INO80: variants seen among roughly 807,000 people sequenced by gnomAD.
INO80 encodes chromatin-remodeling ATPase INO80.
INO80 carries 20 observed loss-of-function variants against 203.4 expected under a neutral mutation model. The observed-to-expected ratio is 0.10, with a 90% CI of 0.07 to 0.14. The LOEUF (loss-of-function observed/expected upper bound fraction) is 0.14. Ranked by LOEUF, INO80 falls within the 10% of genes least tolerant of loss-of-function variation. The probability of loss-of-function intolerance (pLI) is 1.00; values close to 1 mark genes in which losing one functional copy is unlikely to be tolerated. For missense variants in INO80, 1,419 were observed against 1,914.4 expected (o/e 0.74, Z 4.83); for synonymous variants, 726 against 685.2 (o/e 1.06, Z -0.93).
At chr15:41,100,899 G>A (rs1041651121) in intron 1 of INO80, among the ~76,000 whole-genome samples, 7 of 148,694 alleles carry the variant, frequency 4.7e-5, no homozygotes, top group African/African-American at 1.5e-4. Context: ...GGTGATCTCC[G>A]CTCACTACAA....
At chr15:41,011,493 C>T (rs1413831844) in intron 27 of INO80, 1 of 152,040 alleles carries the variant, frequency 6.6e-6, no homozygotes, top group Non-Finnish European at 1.5e-5. Flanking sequence ...AAAGCTTATA[C>T]ACAGCATGGT....
At chr15:41,081,556 C>A (rs1250657428) in intron 7 of INO80, among the ~76,000 whole-genome samples, 4 of 152,114 alleles carry the variant, frequency 2.6e-5, no homozygotes, top group Admixed American at 2.6e-4. Context: ...TTTCTGCCAC[C>A]ACATAAGCCT....
At chr15:41,044,779 C>A in intron 24 of INO80, 125 bp downstream of exon 24, 1 of 721,860 alleles carries the variant, frequency 1.4e-6, no homozygotes. Context: ...TATGCTGCAC[C>A]GCCCACTCCT....
At position 40,983,645 on chromosome 15, in the gene INO80, A is replaced by G. The variant is rs551252019; in HGVS notation, c.4237+117T>C. The stretch of plus-strand genomic sequence containing the variant: ...ACCTCGTTTTCTCATTTCACTTGAC[A>G]AAGCTATTGAAAGAATAAAAATACC... On this transcript the variant is annotated intron_variant, in intron 34 of 35. Transcript: ENST00000648947. The G allele has an allele frequency of 3.5e-3, 2,976 of 856,006 alleles. 13 individuals are homozygous for G. Among genetic ancestry groups the G allele is most frequent in the South Asian group, 0.011 (523 of 46,414 alleles). 53.0% of individuals were successfully genotyped at this position (856,006 alleles called of 1,614,324 possible). A position where few individuals can be genotyped will look rare whatever the true frequency, so the allele number is the denominator to read the frequency against.
chr15:41,040,105 A>T (rs923376065), intron 24 of INO80, among the ~76,000 whole-genome samples: 2 of 152,172 alleles, frequency 1.3e-5, no homozygotes, highest in African/African-American at 4.8e-5. Flanking sequence ...GCACTTTGGG[A>T]GACCAAGGTG....
intron 9 of INO80, among the ~76,000 whole-genome samples, chr15:41,076,623 T>C (rs1241183576): frequency 6.6e-6 from 1 of 151,988 alleles, no homozygotes; most frequent in African/African-American, 2.4e-5. Context: ...GTACCTGCAG[T>C]CCCAGCTACA....
At chr15:41,009,228 GTTC>G (rs1248098450) in intron 27 of INO80, among the ~76,000 whole-genome samples, 1 of 46,146 alleles carries the variant, frequency 2.2e-5, no homozygotes, top group Admixed American at 4.0e-4. Flanking sequence ...TCCTTATACT[GTTC>G]TTTTTTTTTT....
intron 14 of INO80, 23 bp downstream of exon 14, chr15:41,069,547 G>T: frequency 4.5e-6 from 6 of 1,325,656 alleles, no homozygotes; most frequent in Non-Finnish European, 6.4e-6. Context: ...AGCAATAGAT[G>T]TTTTGGTTGG....
Position 40,979,969 on chromosome 15 carries a change from A to G in INO80, c.*254T>C, listed in dbSNP as rs551491681. On this transcript the variant is annotated 3_prime_UTR_variant, in exon 36 of 36. Coordinates refer to ENST00000648947, the MANE Select transcript of INO80 (RefSeq NM_017553.3). The stretch of plus-strand genomic sequence containing the variant: ...CCCGTGAGAGGTTTAAGACTTGGCT[A>G]TACAGTTCACTTGAGATGCAGTGGG... 4.3e-4 allele frequency: 231 copies of G among 535,162 alleles called. 1 individual carries two copies. Among genetic ancestry groups the G allele is most frequent in the African/African-American group, 4.1e-3 (217 of 52,544 alleles). The allele number at this position is 535,162 out of a possible 1,614,324, so 33.2% of individuals were successfully genotyped here.
chr15:41,073,249 T>C (rs937881671), intron 11 of INO80, among the ~76,000 whole-genome samples, 179 bp downstream of exon 11: 1 of 152,118 alleles, frequency 6.6e-6, no homozygotes, highest in Non-Finnish European at 1.5e-5. Flanking sequence ...TCCCTACTAA[T>C]CTAAAGTGAA....
intron 28 of INO80, 47 bp from the exon 29 acceptor site, chr15:40,997,648 A>G: frequency 8.1e-7 from 1 of 1,240,268 alleles, no homozygotes; most frequent in African/African-American, 1.5e-5. Flanking sequence ...GAAAAGAAAA[A>G]ATGGCATGTA....
chr15:41,079,273 C>CA (rs2045448476), intron 9 of INO80, among the ~76,000 whole-genome samples: 2 of 152,156 alleles, frequency 1.3e-5, no homozygotes, highest in Non-Finnish European at 2.9e-5. Flanking sequence ...AAACTGCAGT[C>CA]AGCACCTACA....
Position 41,027,608 on chromosome 15 carries a change from C to T in INO80, c.3036G>A (p.Val1012=). 6.2e-7 allele frequency: 1 copy of T among 1,612,022 alleles called. No individual in the cohort carries two copies. The highest frequency in any genetic ancestry group is 8.5e-7 in the Non-Finnish European group (1 of 1,179,024). ...LLTELPSFLC[V]ASPRVTAVPL... ...CTGGAGCACTTACTCGTGGACTGGC[C>T]ACACACAAAAAAGATGGCAGCTCAG... Residue 1012 remains valine (V), a synonymous_variant, in exon 25 of 36, where the codon GTG becomes GTA. Coordinates refer to ENST00000648947, the MANE Select transcript of INO80 (RefSeq NM_017553.3).
chr15:40,991,730 A>AG (rs1434579122), intron 29 of INO80, among the ~76,000 whole-genome samples: 3 of 151,992 alleles, frequency 2.0e-5, no homozygotes, highest in Non-Finnish European at 4.4e-5. Context: ...GTCAGTGAGA[A>AG]GGAGTTTCAG....
At position 41,070,913 on chromosome 15, in the gene INO80, C is replaced by T. The variant is rs1045071077; in HGVS notation, c.1606-366G>A. On this transcript the variant is annotated intron_variant, in intron 12 of 35. Transcript: ENST00000648947. ...TCAGCTGGGTGCAGTGGCTCATGCC[C>T]GTCCCGGCACTTTGGGAGGCCGAGG... 3.9e-5 allele frequency among the ~76,000 whole-genome samples: 6 copies of T among 152,336 alleles called. No individual in the cohort carries two copies. The East Asian group carries it at 9.6e-4, about 24-fold the overall frequency.
intron 26 of INO80, among the ~76,000 whole-genome samples, chr15:41,019,197 A>AT (rs1461508298): frequency 6.6e-6 from 1 of 152,232 alleles, no homozygotes; most frequent in African/African-American, 2.4e-5. Flanking sequence ...AACCCAGAAG[A>AT]TTTTGGTCAG....
chr15:41,053,347 C>T (rs540662092), intron 19 of INO80, among the ~76,000 whole-genome samples: 12 of 152,192 alleles, frequency 7.9e-5, no homozygotes, highest in African/African-American at 2.4e-4. Context: ...CCTCATGATC[C>T]GCCCACCTCA....
Position 41,116,049 on chromosome 15 carries a change from C to T in INO80, c.-120G>A, listed in dbSNP as rs2046031419. On this transcript the variant is annotated 5_prime_UTR_variant, in exon 1 of 36. Coordinates refer to ENST00000648947, the MANE Select transcript of INO80 (RefSeq NM_017553.3). Reference sequence around the variant, plus strand: ...GCGGGCGGGGTCCGGAGGGGGGGGTCGCCCCGCCGACGGTGGAGCCGCGGT... The same window carrying T: ...GCGGGCGGGGTCCGGAGGGGGGGGTTGCCCCGCCGACGGTGGAGCCGCGGT... 2 of 394,760 alleles carry T rather than the reference C, an allele frequency of 5.1e-6. No homozygotes were observed. Among genetic ancestry groups the T allele is most frequent in the East Asian group, 7.2e-5 (2 of 27,814 alleles). 24.5% of individuals were successfully genotyped at this position (394,760 alleles called of 1,614,324 possible).
intron 1 of INO80, among the ~76,000 whole-genome samples, chr15:41,112,044 T>C (rs1465476849): frequency 2.0e-5 from 3 of 151,952 alleles, no homozygotes; most frequent in Non-Finnish European, 2.9e-5. Flanking sequence ...AGCTGAACTA[T>C]AGGCACACGC....
Sources: allele counts gnomAD v4.1 joint callset (sites outside exome capture counted in the v4.1 genomes callset), GRCh38; gene constraint gnomAD v4.1.1; transcripts MANE v1.5; gene names NCBI Gene and HGNC (gene_info 2026-07-23, HGNC 2026-07-21).